RAB3C: variants seen among roughly 807,000 people sequenced by gnomAD.
RAB3C encodes ras-related protein Rab-3C.
In RAB3C, 17 loss-of-function variants were observed where a neutral mutation model predicts 26.4. The observed-to-expected ratio is 0.64, with a 90% CI of 0.44 to 0.97. The LOEUF is 0.97. RAB3C is among the 50% of genes least tolerant of loss of function. The pLI is 0.00. For synonymous variants in RAB3C, 91 were observed against 95.9 expected (o/e 0.95, Z 0.30); for missense variants, 242 against 281.9 (o/e 0.86, Z 1.01).
rs183656009 is a variant in RAB3C, at chr5:58,628,908, G to T, written c.252+11038G>T. Among the ~76,000 whole-genome samples the T allele has an allele frequency of 4.3e-4, 65 of 151,804 alleles. No homozygotes were observed. In the East Asian group the frequency reaches 6.6e-3, roughly 15 times the overall value. ...TAAGTCAATCTGTTTTTTATAAAGG[G>T]CTGGGCATGGTGGCTCATGCCTGTA... On this transcript the variant is annotated intron_variant, in intron 2 of 4. Transcript: ENST00000282878.
At chr5:58,740,696 C>A (rs1243897175) in intron 3 of RAB3C, among the ~76,000 whole-genome samples, 1 of 151,916 alleles carries the variant, frequency 6.6e-6, no homozygotes, top group Non-Finnish European at 1.5e-5. Flanking sequence ...GGCACGCACC[C>A]ATAGTCCCAG....
At chr5:58,752,617 G>C (rs1198286627) in intron 3 of RAB3C, among the ~76,000 whole-genome samples, 1 of 152,022 alleles carries the variant, frequency 6.6e-6, no homozygotes, top group Non-Finnish European at 1.5e-5. Flanking sequence ...TGGCCTTTTT[G>C]CTTGATTAAA....
At chr5:58,682,731 T>A (rs1748373165) in intron 2 of RAB3C, among the ~76,000 whole-genome samples, 1 of 151,854 alleles carries the variant, frequency 6.6e-6, no homozygotes, top group Non-Finnish European at 1.5e-5. Flanking sequence ...TAAGATGATT[T>A]CAGAAATACT....
At chr5:58,805,589 G>GAA (rs1554019798) in intron 3 of RAB3C, among the ~76,000 whole-genome samples, 6 of 107,122 alleles carry the variant, frequency 5.6e-5, no homozygotes, top group East Asian at 3.0e-4. Context: ...GACTCCATCT[G>GAA]AAAAAAAAAA....
chr5:58,664,085 T>C lies in RAB3C; in HGVS notation c.252+46215T>C, dbSNP rs765806231. ...CCATGAAGTCATGGAATTACACTTA[T>C]AGAAATTCAGCGCAGTCCAGCAATC... On this transcript the variant is annotated intron_variant, in intron 2 of 4. Transcript: ENST00000282878. 9.8e-5 allele frequency among the ~76,000 whole-genome samples: 15 copies of C among 152,326 alleles called. 1 individual carries two copies. The highest frequency in any genetic ancestry group is 7.8e-4 in the Admixed American group (12 of 15,292).
At chr5:58,816,893 G>T (rs1395946402) in intron 3 of RAB3C, among the ~76,000 whole-genome samples, 1 of 152,202 alleles carries the variant, frequency 6.6e-6, no homozygotes, top group Non-Finnish European at 1.5e-5. Flanking sequence ...GGCTTTTCTA[G>T]ATTTGGCTGA....
intron 3 of RAB3C, among the ~76,000 whole-genome samples, chr5:58,748,723 T>C (rs1246424066): frequency 3.3e-5 from 5 of 152,166 alleles, no homozygotes; most frequent in African/African-American, 1.2e-4. Context: ...TAGGAAATCA[T>C]TATGAGGTAG....
chr5:58,616,577 T>C (rs1463968), intron 1 of RAB3C, among the ~76,000 whole-genome samples: 3 of 152,192 alleles, frequency 2.0e-5, no homozygotes, highest in Non-Finnish European at 2.9e-5. Flanking sequence ...CTAAAGCATT[T>C]GTAATTGATT....
intron 2 of RAB3C, among the ~76,000 whole-genome samples, chr5:58,633,106 G>C (rs1212504280): frequency 6.6e-6 from 1 of 152,194 alleles, no homozygotes; most frequent in Non-Finnish European, 1.5e-5. Flanking sequence ...TTTAAAGGAA[G>C]GCATATGGAA....
At chr5:58,804,664 CAT>C (rs936542799) in intron 3 of RAB3C, among the ~76,000 whole-genome samples, 3 of 144,160 alleles carry the variant, frequency 2.1e-5, no homozygotes, top group African/African-American at 8.5e-5. Flanking sequence ...CAGTGGGGTG[CAT>C]ATGTGTGTGT....
rs141365685 is a variant in RAB3C at position 58,717,669 on chromosome 5, G to C, written c.253-8333G>C. ...TCATCCAGGAGACAGCTCTCTTGGA[G>C]ATGGCTTAATGGCAAAACGTCTCAA... is the stretch of plus-strand genomic sequence containing the variant. On this transcript the variant is annotated intron_variant, in intron 2 of 4. Coordinates refer to ENST00000282878, the MANE Select transcript of RAB3C (RefSeq NM_138453.4). Among the ~76,000 whole-genome samples the C allele has an allele frequency of 2.2e-3, 342 of 152,172 alleles. 2 individuals are homozygous for C. The highest frequency in any genetic ancestry group is 4.2e-3 in the Non-Finnish European group (283 of 67,988).
chr5:58,590,270 A>C (rs1171681882), intron 1 of RAB3C, among the ~76,000 whole-genome samples: 2 of 152,174 alleles, frequency 1.3e-5, no homozygotes, highest in Non-Finnish European at 2.9e-5. Context: ...AACATTTTTA[A>C]TACCTTTTAA....
Position 58,751,101 on chromosome 5 carries a change from G to A in RAB3C, c.371+24981G>A, listed in dbSNP as rs561990265. Reference sequence around the variant, plus strand: ...ACTCCAGGCCTCAAGTGATCCACTCGGCTCAGCCTCCCAAAGTGCTGGGAT... The same window carrying A: ...ACTCCAGGCCTCAAGTGATCCACTCAGCTCAGCCTCCCAAAGTGCTGGGAT... On this transcript the variant is annotated intron_variant, in intron 3 of 4. Coordinates refer to ENST00000282878, the MANE Select transcript of RAB3C (RefSeq NM_138453.4). 1.6e-4 allele frequency among the ~76,000 whole-genome samples: 25 copies of A among 152,168 alleles called. No homozygotes were observed. The East Asian group carries it at 4.1e-3, about 25-fold the overall frequency.
intron 1 of RAB3C, among the ~76,000 whole-genome samples, chr5:58,584,158 C>T (rs1745964066): frequency 1.3e-5 from 2 of 152,150 alleles, no homozygotes; most frequent in Admixed American, 1.3e-4. Context: ...TCCTGAGAAC[C>T]CACCTCTGCT....
intron 4 of RAB3C, among the ~76,000 whole-genome samples, chr5:58,833,058 C>T (rs1411935004): frequency 6.6e-6 from 1 of 151,722 alleles, no homozygotes; most frequent in East Asian, 1.9e-4. Context: ...TTATAAGGTA[C>T]TACTGGAATA....
rs1024594795 is a variant in RAB3C, at chr5:58,662,446, A to G, written c.252+44576A>G. ...GGGGTTGAAGGAAAAAATCATAGTCATATAAATTATATTATTTATATCCAT... is the reference window on the plus strand; with the variant it reads ...GGGGTTGAAGGAAAAAATCATAGTCGTATAAATTATATTATTTATATCCAT... On this transcript the variant is annotated intron_variant, in intron 2 of 4. Coordinates refer to ENST00000282878, the MANE Select transcript of RAB3C (RefSeq NM_138453.4). 2.7e-5 allele frequency among the ~76,000 whole-genome samples: 4 copies of G among 150,256 alleles called. 1 individual carries two copies. The highest frequency in any genetic ancestry group is 1.0e-4 in the African/African-American group (4 of 39,610).
intron 3 of RAB3C, among the ~76,000 whole-genome samples, chr5:58,730,724 A>G (rs1740995572): frequency 6.6e-6 from 1 of 152,170 alleles, no homozygotes; most frequent in Non-Finnish European, 1.5e-5. Context: ...CTATATAGGA[A>G]GAATTAAAGT....
At chr5:58,620,108 ACAGT>A (rs958689644) in intron 2 of RAB3C, among the ~76,000 whole-genome samples, 3 of 151,886 alleles carry the variant, frequency 2.0e-5, no homozygotes, top group African/African-American at 7.3e-5. Context: ...AAGTCTATAG[ACAGT>A]CAGGCCTGGG....
intron 1 of RAB3C, among the ~76,000 whole-genome samples, chr5:58,615,270 T>A (rs1746799973): frequency 6.6e-6 from 1 of 152,140 alleles, no homozygotes; most frequent in Admixed American, 6.6e-5. Flanking sequence ...GCCAAGTAAG[T>A]GAGCAGCTCT....
Sources: gnomAD v4.1 joint callset for allele counts (sites outside exome capture counted in the v4.1 genomes callset) on GRCh38, gnomAD v4.1.1 for gene constraint, MANE v1.5 for transcripts, NCBI Gene and HGNC (gene_info 2026-07-23, HGNC 2026-07-21) for gene names.